DCHS2: variants seen among roughly 807,000 people sequenced by gnomAD.
The protein encoded by DCHS2 is dachsous cadherin-related 2, also known as protocadherin-23.
Under a neutral mutation model 182.4 loss-of-function variants are expected in DCHS2, and 142 were observed. That is an observed-to-expected ratio of 0.78 (90% CI 0.68 to 0.89). DCHS2 has a LOEUF of 0.89. DCHS2 is among the 40% of genes least tolerant of loss of function. The pLI, the probability that DCHS2 is intolerant of heterozygous loss-of-function variation, is 0.00. For missense variants in DCHS2, 4,319 were observed against 4,198.6 expected (o/e 1.03, Z -0.79); for synonymous variants, 1,740 against 1,663.3 (o/e 1.05, Z -1.12).
chr4:154,377,832 C>G (rs929610288), intron 1 of DCHS2, among the ~76,000 whole-genome samples: 1 of 152,186 alleles, frequency 6.6e-6, no homozygotes, highest in African/African-American at 2.4e-5. Context: ...GCTGTTGATT[C>G]CCTCTCATAC....
chr4:154,447,011 G>T (rs1734326957), intron 1 of DCHS2, among the ~76,000 whole-genome samples: 1 of 152,048 alleles, frequency 6.6e-6, no homozygotes, highest in South Asian at 2.1e-4. Context: ...GGAAATCTGG[G>T]CCATGCACAG....
At chr4:154,418,685 A>G (rs949769056) in intron 1 of DCHS2, among the ~76,000 whole-genome samples, 1 of 152,240 alleles carries the variant, frequency 6.6e-6, no homozygotes, top group Non-Finnish European at 1.5e-5. Flanking sequence ...TAAATTTTTT[A>G]TGACATCGAT....
intron 1 of DCHS2, among the ~76,000 whole-genome samples, chr4:154,448,204 T>C (rs1359107465): frequency 6.6e-6 from 1 of 152,172 alleles, no homozygotes; most frequent in Non-Finnish European, 1.5e-5. Flanking sequence ...TGCCCTCCCA[T>C]TCCTGGCTAT....
intron 1 of DCHS2, among the ~76,000 whole-genome samples, chr4:154,390,364 T>C (rs1412848462): frequency 6.7e-6 from 1 of 149,490 alleles, no homozygotes; most frequent in Admixed American, 6.8e-5. Context: ...GAATATGCGG[T>C]GTTTGGTTTT....
At chr4:154,293,170 G>C (rs1185132189) in intron 13 of DCHS2, among the ~76,000 whole-genome samples, 1 of 151,586 alleles carries the variant, frequency 6.6e-6, no homozygotes, top group African/African-American at 2.4e-5. Context: ...CCATTTAACT[G>C]GATGCGGGAA....
intron 16 of DCHS2, among the ~76,000 whole-genome samples, chr4:154,245,937 A>G (rs578103733): frequency 1.3e-5 from 2 of 152,260 alleles, no homozygotes; most frequent in South Asian, 4.1e-4. Flanking sequence ...ATCAAAATGC[A>G]CCAATCTGGT....
At chr4:154,304,264 C>T (rs961150270) in intron 12 of DCHS2, among the ~76,000 whole-genome samples, 1 of 152,148 alleles carries the variant, frequency 6.6e-6, no homozygotes, top group African/African-American at 2.4e-5. Context: ...TCTTTTCCAT[C>T]CTTACATCCA....
intron 16 of DCHS2, among the ~76,000 whole-genome samples, chr4:154,254,797 A>C (rs2111153228): frequency 6.6e-6 from 1 of 152,238 alleles, no homozygotes; most frequent in South Asian, 2.1e-4. Context: ...AGATTGTGCC[A>C]CTACACTCCA....
At chr4:154,446,486 C>T (rs1734289600) in intron 1 of DCHS2, among the ~76,000 whole-genome samples, 1 of 152,158 alleles carries the variant, frequency 6.6e-6, no homozygotes, top group Non-Finnish European at 1.5e-5. Context: ...TGAGGCAGTT[C>T]TCAGTTACAC....
At chr4:154,451,547 C>A (rs1484690201) in intron 1 of DCHS2, among the ~76,000 whole-genome samples, 1 of 152,178 alleles carries the variant, frequency 6.6e-6, no homozygotes. Flanking sequence ...ATCTCCTCTC[C>A]CTCTGTCCAC....
At position 154,489,930 on chromosome 4, in the gene DCHS2, C is replaced by G. The variant is rs552681782; in HGVS notation, c.1426G>C (p.Gly476Arg). ...CCGCCGGGTAGCAACGCGAAGTCTC[C>G]CTCTCCGCCTTCCAAGGACAGAGAG... ...SISLSLEGGE[G>R]DFALLPGGPP... Residue 476 changes from glycine (G) to arginine (R), a missense_variant, in exon 1 of 20, where the codon GGA (glycine) becomes CGA (arginine). Gly to Arg is a moderately radical substitution (Grantham distance 125). Transcript: ENST00000357232. 160 of 1,540,120 alleles carry G rather than the reference C, an allele frequency of 1.0e-4. 4 individuals carry two copies. The South Asian group carries it at 1.8e-3, about 18-fold the overall frequency.
Position 154,440,343 on chromosome 4 carries a change from T to C in DCHS2, c.2052+48961A>G, listed in dbSNP as rs1733952401. Among the ~76,000 whole-genome samples the C allele has an allele frequency of 7.2e-5, 11 of 152,210 alleles. No individual in the cohort carries two copies. In the South Asian group the frequency reaches 2.3e-3, roughly 31 times the overall value. Reference sequence around the variant, plus strand: ...ACTTGCAATGCACAATTGGAATTTATGTTCAAAATCTGTCTATAGTCCCAC... The same window carrying C: ...ACTTGCAATGCACAATTGGAATTTACGTTCAAAATCTGTCTATAGTCCCAC... On this transcript the variant is annotated intron_variant, in intron 1 of 19. Coordinates refer to ENST00000357232, the MANE Select transcript of DCHS2 (RefSeq NM_001358235.2).
intron 7 of DCHS2, chr4:154,323,473 G>C: frequency 8.5e-7 from 1 of 1,182,294 alleles, no homozygotes; most frequent in South Asian, 1.6e-5. Flanking sequence ...GGGACTACAG[G>C]CATGGGCCAA....
chr4:154,447,040 C>T (rs1012717427), intron 1 of DCHS2, among the ~76,000 whole-genome samples: 3 of 152,002 alleles, frequency 2.0e-5, no homozygotes, highest in Admixed American at 6.6e-5. Context: ...GCCTGTAATC[C>T]CAGCATTTTG....
At chr4:154,266,001 G>A (rs543184462) in intron 14 of DCHS2, among the ~76,000 whole-genome samples, 1 of 152,122 alleles carries the variant, frequency 6.6e-6, no homozygotes, top group Admixed American at 6.6e-5. Context: ...AATTAACAAC[G>A]ACTAATAAAA....
At chr4:154,295,146 G>A (rs1372233488) in intron 13 of DCHS2, among the ~76,000 whole-genome samples, 2 of 152,202 alleles carry the variant, frequency 1.3e-5, no homozygotes, top group Non-Finnish European at 2.9e-5. Flanking sequence ...ATGATGTCTT[G>A]TGCCTGTATG....
intron 1 of DCHS2, among the ~76,000 whole-genome samples, chr4:154,405,216 A>AT (rs1359719432): frequency 6.6e-6 from 1 of 152,142 alleles, no homozygotes; most frequent in Non-Finnish European, 1.5e-5. Flanking sequence ...ACGCCATTGC[A>AT]CTCCATCCTG....
In DCHS2 at chr4:154,234,984, G is replaced by T; in HGVS notation, c.9668C>A (p.Thr3223Asn). 3 of 1,614,026 alleles carry T rather than the reference G, an allele frequency of 1.9e-6. No individual in the cohort carries two copies. The highest frequency in any genetic ancestry group is 2.5e-6 in the Non-Finnish European group (3 of 1,179,954). ...GTTGTCTTTTCCATCATGATCAGAG[G>T]TCGTCTGAGTTGAAAGAGCTGCACA... is the stretch of plus-strand genomic sequence containing the variant. ...VRCAALSTQT[T>N]SDHDGKDNYH... Residue 3223 changes from threonine (T) to asparagine (N), a missense_variant, in exon 20 of 20, where the codon ACC becomes AAC. Transcript: ENST00000357232.
At position 154,235,311 on chromosome 4, in the gene DCHS2, G is replaced by A; in HGVS notation, c.9341C>T (p.Pro3114Leu). 1 of 1,614,016 alleles carries A rather than the reference G, an allele frequency of 6.2e-7. No homozygotes were observed. ...DKEIQRINEH[P>L]YRKCSDSALS... ...AGCTGAGTCTGAGCACTTTCTGTAG[G>A]GATGCTCATTTATCCTCTGGATTTC... The change falls in exon 20 of 20, where the codon CCC becomes CTC. Residue 3114 changes from proline to leucine, a missense_variant. By Grantham distance (98) the Pro-to-Leu change is moderately conservative (BLOSUM62 -3). Coordinates refer to ENST00000357232, the MANE Select transcript of DCHS2 (RefSeq NM_001358235.2).
Sources: allele counts gnomAD v4.1 joint callset (sites outside exome capture counted in the v4.1 genomes callset), GRCh38; gene constraint gnomAD v4.1.1; transcripts MANE v1.5; gene names NCBI Gene and HGNC (gene_info 2026-07-23, HGNC 2026-07-21).